The following PDE1C variants were observed in gnomAD, a reference collection of about 807,000 sequenced individuals.
PDE1C encodes phosphodiesterase 1C.
A neutral mutation model predicts 93.1 loss-of-function variants in PDE1C; 62 were observed. That is an observed-to-expected ratio of 0.67 (90% CI 0.54 to 0.82). The LOEUF (loss-of-function observed/expected upper bound fraction) is 0.82, where lower values mean the gene tolerates loss of function less well. PDE1C is among the 40% of genes least tolerant of loss of function. PDE1C has a pLI of 0.00. For synonymous variants in PDE1C, 325 were observed against 310.1 expected (o/e 1.05, Z -0.50); for missense variants, 742 against 884.6 (o/e 0.84, Z 2.04).
intron 2 of PDE1C, among the ~76,000 whole-genome samples, chr7:32,035,913 C>G (rs1791007711): frequency 6.6e-6 from 1 of 152,142 alleles, no homozygotes; most frequent in African/African-American, 2.4e-5. Context: ...ATTGTGAAAA[C>G]TGACTTGAAG....
intron 16 of PDE1C, chr7:31,787,773 G>T (rs1784163550): frequency 6.6e-6 from 1 of 152,196 alleles, no homozygotes. Context: ...GGAATTAAAA[G>T]ACCGCAGAAA....
chr7:31,921,147 G>T (rs541080907), intron 2 of PDE1C, among the ~76,000 whole-genome samples: 32 of 152,198 alleles, frequency 2.1e-4, no homozygotes, highest in Admixed American at 1.5e-3. Context: ...GATGGCACAG[G>T]CTAGAAAACA....
chr7:32,052,421 C>A, intron 1 of PDE1C: 1 of 448,634 alleles, frequency 2.2e-6, no homozygotes, highest in Non-Finnish European at 4.5e-6. Flanking sequence ...CCCAATATCC[C>A]AAAGTTCTTC....
In PDE1C at chr7:32,057,922, T is replaced by C. The variant is rs181849527; in HGVS notation, c.102-6342A>G. ...TCGATTAAACATTGATGCTAAATTATGAAGCGCCTGGCAGTCTTTCACTTT... is the reference window on the plus strand; with the variant it reads ...TCGATTAAACATTGATGCTAAATTACGAAGCGCCTGGCAGTCTTTCACTTT... On this transcript the variant is annotated intron_variant, in intron 1 of 17. Coordinates refer to ENST00000396191, the MANE Select transcript of PDE1C (RefSeq NM_001191057.4). Among the ~76,000 whole-genome samples, 366 of 152,340 alleles carry C rather than the reference T, an allele frequency of 2.4e-3. 3 individuals are homozygous for C. Among genetic ancestry groups the C allele is most frequent in the Middle Eastern group, 0.01 (3 of 294 alleles).
At chr7:31,904,934 GA>G (rs1800409623) in intron 2 of PDE1C, among the ~76,000 whole-genome samples, 2 of 152,130 alleles carry the variant, frequency 1.3e-5, no homozygotes, top group African/African-American at 2.4e-5. Flanking sequence ...AAGTATGCTA[GA>G]TTTTTTTAAT....
intron 3 of PDE1C, among the ~76,000 whole-genome samples, chr7:32,120,564 A>G (rs1029161526): frequency 3.3e-5 from 5 of 152,136 alleles, no homozygotes; most frequent in African/African-American, 1.2e-4. Flanking sequence ...TCCTTGAGTG[A>G]TATCTCCAGG....
intron 2 of PDE1C, among the ~76,000 whole-genome samples, chr7:32,037,475 T>G (rs1211944432): frequency 6.6e-6 from 1 of 152,138 alleles, no homozygotes; most frequent in East Asian, 1.9e-4. Flanking sequence ...AAAGCGGTGA[T>G]AAAAATGAAC....
At chr7:31,816,631 G>A (rs1284309403) in intron 14 of PDE1C, among the ~76,000 whole-genome samples, 1 of 152,124 alleles carries the variant, frequency 6.6e-6, no homozygotes, top group Non-Finnish European at 1.5e-5. Context: ...GCAGCTTCAT[G>A]TGGGCTTGCT....
intron 3 of PDE1C, among the ~76,000 whole-genome samples, chr7:32,086,635 T>C (rs905891764): frequency 2.6e-5 from 4 of 152,132 alleles, no homozygotes; most frequent in Non-Finnish European, 4.4e-5. Context: ...CAAAACAGCA[T>C]GGTACTGGTA....
In PDE1C at chr7:31,848,026, G is replaced by A. The variant is rs371010864; in HGVS notation, c.922C>T (p.Leu308Phe). 9 of 1,612,882 alleles carry A rather than the reference G, an allele frequency of 5.6e-6. No individual in the cohort carries two copies. Among genetic ancestry groups the A allele is most frequent in the Non-Finnish European group, 7.6e-6 (9 of 1,179,372 alleles). Residue 308 changes from leucine (L) to phenylalanine (F), a missense_variant, in exon 9 of 18, where the codon CTT becomes TTT. Leu to Phe is a conservative substitution (Grantham distance 22). This residue lies in a region of PDE1C where 205 missense variants were observed against 295.3 expected (regional missense o/e 0.69). Transcript: ENST00000396191. ...ENHHLSAAYR[L>F]LQDDEEMNIL... is the part of the protein sequence containing the mutation. ...TTCATTTCCTCGTCATCTTGCAGAA[G>A]GCGATAAGCTGCACTTAAATGGTGA... is the stretch of plus-strand genomic sequence containing the variant.
At position 31,886,167 on chromosome 7, in the gene PDE1C, A is replaced by C. The variant is rs1419567839; in HGVS notation, c.129-5307T>G. ...CTAAAAACTCATTTGAATTAAAAAA[A>C]CTTCATTTCAGTTCATCACACCCAT... On this transcript the variant is annotated intron_variant, in intron 2 of 17. Transcript: ENST00000396191. Among the ~76,000 whole-genome samples the C allele has an allele frequency of 3.3e-5, 5 of 152,350 alleles. No homozygotes were observed. In the East Asian group the frequency reaches 9.6e-4, roughly 29 times the overall value.
chr7:31,921,097 A>C (rs535459022), intron 2 of PDE1C, among the ~76,000 whole-genome samples: 5 of 152,330 alleles, frequency 3.3e-5, no homozygotes, highest in African/African-American at 9.6e-5. Context: ...GTTGACTCTC[A>C]TCTGGCACCT....
chr7:31,975,581 A>G (rs535503175), intron 2 of PDE1C, among the ~76,000 whole-genome samples: 1 of 152,032 alleles, frequency 6.6e-6, no homozygotes, highest in African/African-American at 2.4e-5. Context: ...CTAATTTTAT[A>G]TATATATATA....
the PDE1C span, among the ~76,000 whole-genome samples, chr7:31,673,937 G>A: frequency 2.6e-5 from 4 of 152,056 alleles, no homozygotes; most frequent in Non-Finnish European, 5.9e-5. Flanking sequence ...CATCATCATG[G>A]GTAGCGAAAA....
intron 2 of PDE1C, among the ~76,000 whole-genome samples, chr7:32,015,178 T>C (rs1787718292): frequency 6.6e-6 from 1 of 152,106 alleles, no homozygotes; most frequent in Non-Finnish European, 1.5e-5. Flanking sequence ...TGCTGAACTG[T>C]CAGTCAATTA....
At chr7:31,678,205 A>T in the PDE1C span, among the ~76,000 whole-genome samples, 1 of 152,192 alleles carries the variant, frequency 6.6e-6, no homozygotes. Context: ...ATTGAATTCA[A>T]ATAAAAACAC....
At chr7:31,623,168 C>T in the PDE1C span, among the ~76,000 whole-genome samples, 1 of 152,080 alleles carries the variant, frequency 6.6e-6, no homozygotes, top group Non-Finnish European at 1.5e-5. Flanking sequence ...CGAATTCTAC[C>T]AGAGGTACAA....
chr7:31,971,013 A>G (rs895799709), intron 2 of PDE1C, among the ~76,000 whole-genome samples: 1 of 152,142 alleles, frequency 6.6e-6, no homozygotes, highest in Non-Finnish European at 1.5e-5. Context: ...GTGGTAGCAC[A>G]TGCCTGTAAT....
intron 1 of PDE1C, among the ~76,000 whole-genome samples, chr7:32,323,177 C>G (rs2128074175): frequency 6.6e-6 from 1 of 152,258 alleles, no homozygotes; most frequent in Admixed American, 6.5e-5. Context: ...AATAACTTTT[C>G]CTGGGTTTAC....
Sources: gnomAD v4.1 joint callset for allele counts (sites outside exome capture counted in the v4.1 genomes callset) on GRCh38, gnomAD v4.1.1 for gene constraint, gnomAD v4.1.1 regional missense constraint, MANE v1.5 for transcripts, NCBI Gene and HGNC (gene_info 2026-07-23, HGNC 2026-07-21) for gene names.